The following PCSK2 variants were observed in gnomAD, a reference collection of about 807,000 sequenced individuals.
PCSK2 encodes neuroendocrine convertase 2.
In PCSK2, 14 loss-of-function variants were observed where a neutral mutation model predicts 69.7. The observed-to-expected ratio is 0.20, with a 90% CI of 0.13 to 0.31. The LOEUF (loss-of-function observed/expected upper bound fraction) is 0.31. PCSK2 is among the 10% of genes least tolerant of loss of function. The pLI is 1.00. For synonymous variants in PCSK2, 307 were observed against 320.7 expected (o/e 0.96, Z 0.46); for missense variants, 544 against 842.5 (o/e 0.65, Z 4.39).
At chr20:17,226,119 C>A (rs1346108916), upstream of PCSK2, 1 of 152,234 alleles carries the variant, frequency 6.6e-6, no homozygotes, top group Non-Finnish European at 1.5e-5. Context: ...CTAGCACCCT[C>A]GCTGTCCTTG....
At chr20:17,403,448 A>G (rs1053784710) in intron 5 of PCSK2, among the ~76,000 whole-genome samples, 17 of 152,240 alleles carry the variant, frequency 1.1e-4, no homozygotes, top group Non-Finnish European at 2.2e-4. Flanking sequence ...AGACGCAAGT[A>G]GGCGCAATAG....
chr20:17,453,999 G>A lies in PCSK2; in HGVS notation c.1101+42G>A, dbSNP rs767039826. ...CTGTCCTTGTTTCCTTAGGGCCACT[G>A]CACCTCTGTGTCAGGGTGGGATGCT... On this transcript the variant is annotated intron_variant, in intron 9 of 11. Transcript: ENST00000262545. The surrounding 1 kb of genome is among the most constrained non-coding windows in gnomAD (Gnocchi z 4.0). The A allele has an allele frequency of 6.2e-7, 1 of 1,609,576 alleles. No individual in the cohort carries two copies. Among genetic ancestry groups the A allele is most frequent in the East Asian group, 2.2e-5 (1 of 44,686 alleles).
chr20:17,330,836 G>T (rs1049315555), intron 2 of PCSK2, among the ~76,000 whole-genome samples: 1 of 152,108 alleles, frequency 6.6e-6, no homozygotes, highest in Non-Finnish European at 1.5e-5. Flanking sequence ...TTGTAAGATG[G>T]TTACTGCGGG....
chr20:17,380,179 G>T (rs78429126), intron 5 of PCSK2, among the ~76,000 whole-genome samples: 5,785 of 152,238 alleles, frequency 0.038, 113 homozygotes, highest in Admixed American at 0.05. Context: ...CACTATGTTT[G>T]TAATAATTTG....
intron 2 of PCSK2, among the ~76,000 whole-genome samples, chr20:17,268,876 C>T (rs1476860917): frequency 6.6e-6 from 1 of 152,154 alleles, no homozygotes; most frequent in Non-Finnish European, 1.5e-5. Flanking sequence ...CAGTGAGAAA[C>T]AAATCAGATC....
At chr20:17,256,082 C>A (rs1987166155) in intron 1 of PCSK2, among the ~76,000 whole-genome samples, 2 of 152,136 alleles carry the variant, frequency 1.3e-5, no homozygotes, top group Non-Finnish European at 2.9e-5. Flanking sequence ...TAGTAGAATT[C>A]ATCAGTATTT....
chr20:17,456,317 T>C (rs2032922136), intron 9 of PCSK2, 31 bp from the exon 10 acceptor site: 3 of 1,191,362 alleles, frequency 2.5e-6, no homozygotes, highest in East Asian at 4.7e-5. Flanking sequence ...GCGTGATTTA[T>C]CCACTCATTA....
chr20:17,293,301 T>C (rs571959343), intron 2 of PCSK2, among the ~76,000 whole-genome samples: 1 of 152,336 alleles, frequency 6.6e-6, no homozygotes, highest in African/African-American at 2.4e-5. Context: ...TTAACTTGTG[T>C]TTTATAATAT....
At chr20:17,468,754 G>T (rs1163483136) in intron 11 of PCSK2, among the ~76,000 whole-genome samples, 4 of 151,642 alleles carry the variant, frequency 2.6e-5, no homozygotes, top group African/African-American at 4.9e-5. Flanking sequence ...GCCCACCATA[G>T]GTCAGCATCC....
chr20:17,419,589 A>G (rs1047574744), intron 6 of PCSK2, among the ~76,000 whole-genome samples: 7 of 152,208 alleles, frequency 4.6e-5, no homozygotes, highest in Admixed American at 1.3e-4. Flanking sequence ...CACTCAAAAA[A>G]TATTGACTGA....
At chr20:17,276,447 C>CACACACACAT (rs1555784018) in intron 2 of PCSK2, among the ~76,000 whole-genome samples, 1 of 91,574 alleles carries the variant, frequency 1.1e-5, no homozygotes, top group Non-Finnish European at 2.5e-5. Flanking sequence ...TTAAATTCAA[C>CACACACACAT]ACACACACAC....
intron 2 of PCSK2, among the ~76,000 whole-genome samples, chr20:17,268,033 G>GTATATATATA (rs753655282): frequency 0.017 from 1,100 of 65,828 alleles, 17 homozygotes; most frequent in Middle Eastern, 0.021. Context: ...TATCCAATGT[G>GTATATATATA]TATATATATA....
chr20:17,366,400 C>T (rs1347982736), intron 4 of PCSK2, among the ~76,000 whole-genome samples: 1 of 152,128 alleles, frequency 6.6e-6, no homozygotes, highest in Admixed American at 6.5e-5. Context: ...CAGTCGGTAC[C>T]CCCATAGGCT....
At chr20:17,406,880 G>C (rs1479282272) in intron 5 of PCSK2, among the ~76,000 whole-genome samples, 1 of 152,078 alleles carries the variant, frequency 6.6e-6, no homozygotes, top group Non-Finnish European at 1.5e-5. Context: ...AGCTTCAAAA[G>C]ATTCATACAG....
chr20:17,405,684 C>A (rs1600553688), intron 5 of PCSK2, among the ~76,000 whole-genome samples: 1 of 152,228 alleles, frequency 6.6e-6, no homozygotes, highest in Admixed American at 6.5e-5. Flanking sequence ...AATTATTAAA[C>A]TTTCTAGCTA....
At chr20:17,303,560 T>TTA (rs1989226338) in intron 2 of PCSK2, among the ~76,000 whole-genome samples, 1 of 104,172 alleles carries the variant, frequency 9.6e-6, no homozygotes, top group East Asian at 3.4e-4. Flanking sequence ...ATAATATATA[T>TTA]TATATAATAT....
intron 2 of PCSK2, among the ~76,000 whole-genome samples, chr20:17,343,204 G>T (rs147386114): frequency 1.3e-5 from 2 of 152,114 alleles, no homozygotes; most frequent in Non-Finnish European, 2.9e-5. Context: ...TTCATACAAC[G>T]CACACCAACT....
At chr20:17,291,781 G>A (rs919208361) in intron 2 of PCSK2, among the ~76,000 whole-genome samples, 6 of 152,258 alleles carry the variant, frequency 3.9e-5, no homozygotes, top group African/African-American at 1.4e-4. Context: ...ATGGAATCTG[G>A]AGGCAGGCAG....
intron 2 of PCSK2, among the ~76,000 whole-genome samples, chr20:17,312,653 G>A (rs940592920): frequency 1.3e-5 from 2 of 151,902 alleles, no homozygotes; most frequent in Non-Finnish European, 2.9e-5. Flanking sequence ...CCCAATTAGG[G>A]GCCAGGTCAG....
Sources: gnomAD v4.1 joint callset for allele counts (sites outside exome capture counted in the v4.1 genomes callset) on GRCh38, gnomAD v4.1.1 for gene constraint, Gnocchi (gnomAD v3.1) non-coding constraint, MANE v1.5 for transcripts, NCBI Gene and HGNC (gene_info 2026-07-23, HGNC 2026-07-21) for gene names.